MYT1L: variants seen among roughly 807,000 people sequenced by gnomAD.
The protein encoded by MYT1L is myelin transcription factor 1-like protein.
MYT1L carries 12 observed loss-of-function variants against 126.7 expected under a neutral mutation model. The ratio of observed to expected loss-of-function variants is 0.09; its 90% CI spans 0.06 to 0.15. The LOEUF is 0.15. Ranked by LOEUF, MYT1L falls within the 10% of genes least tolerant of loss-of-function variation. The pLI, the probability that MYT1L is intolerant of heterozygous loss-of-function variation, is 1.00. For synonymous variants in MYT1L, 541 were observed against 604.2 expected (o/e 0.90, Z 1.53); for missense variants, 979 against 1,585.2 (o/e 0.62, Z 6.49).
intron 4 of MYT1L, among the ~76,000 whole-genome samples, chr2:2,048,960 G>C (rs2068504844): frequency 6.6e-6 from 1 of 152,122 alleles, no homozygotes; most frequent in African/African-American, 2.4e-5. Flanking sequence ...TTAAACTACA[G>C]TCCAGAAAAA....
intron 3 of MYT1L, among the ~76,000 whole-genome samples, chr2:2,129,024 C>CA (rs764343193): frequency 6.4e-4 from 98 of 152,212 alleles, no homozygotes; most frequent in Admixed American, 2.7e-3. Context: ...TGGTTGGAGA[C>CA]AAAAAACATA....
chr2:1,939,919 C>G (rs10865521), intron 9 of MYT1L, among the ~76,000 whole-genome samples: 19,685 of 152,238 alleles, frequency 0.13, 1,535 homozygotes, highest in East Asian at 0.32. Context: ...AGTCAGGCCT[C>G]TCAGGTGATT....
At chr2:2,046,086 G>T (rs897099395) in intron 4 of MYT1L, among the ~76,000 whole-genome samples, 3 of 152,180 alleles carry the variant, frequency 2.0e-5, no homozygotes, top group African/African-American at 7.2e-5. Flanking sequence ...AAAAAGGAAT[G>T]CACATATGCA....
chr2:2,221,375 A>G lies in MYT1L; in HGVS notation c.-420-48387T>C, dbSNP rs192496578. Among the ~76,000 whole-genome samples, 137 of 152,168 alleles carry G rather than the reference A, an allele frequency of 9.0e-4. 1 individual carries two copies. Among genetic ancestry groups the G allele is most frequent in the African/African-American group, 3.1e-3 (128 of 41,508 alleles). On this transcript the variant is annotated intron_variant, in intron 2 of 24. Transcript: ENST00000647738. ...GCTGGCCTTTGCTAGGTAAACAGAA[A>G]TCTGGTCCTGGTGGAGGTGAAGTCT...
At chr2:2,201,428 G>A (rs1045343096) in intron 2 of MYT1L, among the ~76,000 whole-genome samples, 8 of 152,084 alleles carry the variant, frequency 5.3e-5, no homozygotes, top group African/African-American at 1.7e-4. Context: ...GGCCGGGTGC[G>A]GTGGCTCATG....
chr2:1,806,313 G>C lies in MYT1L; in HGVS notation c.3172+2763C>G, dbSNP rs906303223. 6.6e-6 allele frequency among the ~76,000 whole-genome samples: 1 copy of C among 152,190 alleles called. No homozygotes were observed. The highest frequency in any genetic ancestry group is 2.4e-5 in the African/African-American group (1 of 41,452). On this transcript the variant is annotated intron_variant, in intron 22 of 24. Transcript: ENST00000647738. The surrounding 1 kb of genome is among the most constrained non-coding windows in gnomAD (Gnocchi z 4.9). ...CAGCTCCTCTTTTTTACCCATGGACGTGCGTGCATTAGGATCTGCAGCAAG... is the reference window on the plus strand; with the variant it reads ...CAGCTCCTCTTTTTTACCCATGGACCTGCGTGCATTAGGATCTGCAGCAAG...
At chr2:1,824,730 A>G (rs1465868077) in intron 21 of MYT1L, 1 of 151,236 alleles carries the variant, frequency 6.6e-6, no homozygotes, top group African/African-American at 2.5e-5. Context: ...ATATTGAGTC[A>G]TCCAGAGGAG....
chr2:2,065,385 T>C (rs187121346), intron 3 of MYT1L, among the ~76,000 whole-genome samples: 17 of 152,292 alleles, frequency 1.1e-4, no homozygotes, highest in Admixed American at 1.0e-3. Context: ...TATAAAAACC[T>C]TGACAGCACA....
intron 3 of MYT1L, among the ~76,000 whole-genome samples, chr2:2,137,039 C>T (rs1471189966): frequency 6.6e-6 from 1 of 151,986 alleles, no homozygotes; most frequent in Non-Finnish European, 1.5e-5. Flanking sequence ...TTCTTATACA[C>T]CAATAACAGA....
intron 5 of MYT1L, among the ~76,000 whole-genome samples, chr2:1,995,913 C>A (rs2149600142): frequency 6.6e-6 from 1 of 152,276 alleles, no homozygotes; most frequent in East Asian, 1.9e-4. Context: ...AAGGAAGCTG[C>A]CCTCTGTTTC....
intron 2 of MYT1L, among the ~76,000 whole-genome samples, chr2:2,271,838 T>C (rs1245869748): frequency 7.9e-5 from 12 of 152,210 alleles, no homozygotes; most frequent in Non-Finnish European, 1.5e-5. Context: ...TCCTTGGGTT[T>C]GAATTTTGGA....
At chr2:2,255,497 G>T (rs1181708252) in intron 2 of MYT1L, among the ~76,000 whole-genome samples, 1 of 152,074 alleles carries the variant, frequency 6.6e-6, no homozygotes, top group Non-Finnish European at 1.5e-5. Flanking sequence ...GAGCCACACG[G>T]TGAAATCATT....
chr2:1,934,307 T>TATATATATATATATATATACAC lies in MYT1L; in HGVS notation c.505+8674_505+8675insGTGTATATATATATATATATAT, dbSNP rs71276816. On this transcript the variant is annotated intron_variant, in intron 9 of 24. Coordinates refer to ENST00000647738, the MANE Select transcript of MYT1L (RefSeq NM_001303052.2). ...TTTTTATAACATATATATATATATA[T>TATATATATATATATATATACAC]ACAACCTCATATATGTAATTTATAG... Among the ~76,000 whole-genome samples, 125 of 132,176 alleles carry TATATATATATATATATATACAC rather than the reference T, an allele frequency of 9.5e-4. 5 individuals carry two copies. The highest frequency in any genetic ancestry group is 3.9e-3 in the East Asian group (15 of 3,806). The allele number at this position is 132,176 out of a possible 152,430, so 86.7% of individuals were successfully genotyped here.
At chr2:2,149,152 C>T (rs542033706) in intron 3 of MYT1L, among the ~76,000 whole-genome samples, 66 of 151,896 alleles carry the variant, frequency 4.3e-4, no homozygotes, top group Non-Finnish European at 7.9e-4. Context: ...TTTTTCTCTC[C>T]CTTGGTTTCT....
intron 18 of MYT1L, among the ~76,000 whole-genome samples, chr2:1,865,460 A>G (rs774663339): frequency 7.2e-5 from 11 of 152,132 alleles, no homozygotes; most frequent in Non-Finnish European, 1.5e-4. Flanking sequence ...AAGTCCCTGA[A>G]CCTTTCTGAG....
intron 4 of MYT1L, among the ~76,000 whole-genome samples, chr2:2,039,874 T>C (rs2067332956): frequency 6.6e-6 from 1 of 152,110 alleles, no homozygotes; most frequent in African/African-American, 2.4e-5. Flanking sequence ...GTGTGTGAGA[T>C]GGATCAAACC....
At chr2:1,985,503 C>T (rs2060944420) in intron 5 of MYT1L, among the ~76,000 whole-genome samples, 1 of 152,154 alleles carries the variant, frequency 6.6e-6, no homozygotes, top group Non-Finnish European at 1.5e-5. Flanking sequence ...AATTCTGACT[C>T]CAGCAAGTTT....
chr2:2,114,871 T>C (rs2079989416), intron 3 of MYT1L, among the ~76,000 whole-genome samples: 1 of 152,192 alleles, frequency 6.6e-6, no homozygotes, highest in Admixed American at 6.5e-5. Context: ...TCACAGTGAT[T>C]TTCACTCAGT....
intron 1 of MYT1L, among the ~76,000 whole-genome samples, chr2:2,302,384 G>A (rs1055313489): frequency 3.3e-5 from 5 of 152,278 alleles, no homozygotes; most frequent in Non-Finnish European, 7.4e-5. Flanking sequence ...TATGATTTTG[G>A]TTTGTTCTTT....
Sources: allele counts gnomAD v4.1 joint callset (sites outside exome capture counted in the v4.1 genomes callset), GRCh38; gene constraint gnomAD v4.1.1; non-coding constraint Gnocchi (gnomAD v3.1); transcripts MANE v1.5; gene names NCBI Gene and HGNC (gene_info 2026-07-23, HGNC 2026-07-21).